NRXN1: variants seen among roughly 807,000 people sequenced by gnomAD.
NRXN1 encodes the protein neurexin 1, also known as neurexin-1.
In NRXN1, 39 loss-of-function variants were observed where a neutral mutation model predicts 150.9. That is an observed-to-expected ratio of 0.26 (90% confidence interval 0.20 to 0.34). The LOEUF is 0.34. Among genes scored for constraint, NRXN1 ranks in the 10% least tolerant of loss-of-function variants. The pLI is 1.00. For synonymous variants in NRXN1, 924 were observed against 757.0 expected (o/e 1.22, Z -3.62); for missense variants, 1,815 against 1,949.9 (o/e 0.93, Z 1.30).
intron 9 of NRXN1, among the ~76,000 whole-genome samples, chr2:50,547,273 A>G (rs186495314): frequency 2.3e-4 from 35 of 151,502 alleles, no homozygotes; most frequent in African/African-American, 8.3e-4. Flanking sequence ...TTTCTCTTTG[A>G]TTTCAATGTG....
chr2:50,701,614 A>C (rs1358114368), intron 5 of NRXN1, among the ~76,000 whole-genome samples: 2 of 152,204 alleles, frequency 1.3e-5, no homozygotes, highest in African/African-American at 4.8e-5. Context: ...CGTCCTGCAT[A>C]TAAATCCCCA....
chr2:50,400,025 A>G (rs1286333637), intron 17 of NRXN1, among the ~76,000 whole-genome samples: 2 of 151,956 alleles, frequency 1.3e-5, no homozygotes, highest in Non-Finnish European at 2.9e-5. Flanking sequence ...GTAGACGAGT[A>G]CAATTAACAC....
intron 16 of NRXN1, 99 bp from the exon 17 acceptor site, chr2:50,465,660 T>C: frequency 1.6e-6 from 2 of 1,288,696 alleles, no homozygotes; most frequent in Non-Finnish European, 2.1e-6. Context: ...ACACCACAGA[T>C]GATATGTCCA....
intron 17 of NRXN1, among the ~76,000 whole-genome samples, chr2:50,287,540 T>C (rs1413838995): frequency 1.3e-5 from 2 of 152,006 alleles, no homozygotes; most frequent in Non-Finnish European, 2.9e-5. Flanking sequence ...CTTATTTCCC[T>C]AAGATGGAAA....
chr2:50,560,814 C>G (rs997588833), intron 8 of NRXN1, among the ~76,000 whole-genome samples: 2 of 151,908 alleles, frequency 1.3e-5, no homozygotes, highest in Non-Finnish European at 2.9e-5. Context: ...CTTTTTTTCC[C>G]CTGATCTAAT....
chr2:50,550,742 C>T lies in NRXN1; in HGVS notation c.1759+1845G>A, dbSNP rs544208653. 2.0e-5 allele frequency among the ~76,000 whole-genome samples: 3 copies of T among 149,532 alleles called. No individual in the cohort carries two copies. In the East Asian group the frequency reaches 5.9e-4, roughly 29 times the overall value. On this transcript the variant is annotated intron_variant, in intron 9 of 22. Coordinates refer to ENST00000401669, the MANE Select transcript of NRXN1 (RefSeq NM_001330078.2). ...TATCTCCCAGGCTGGAGTGCCGCGG[C>T]CCGATCTCGGCTCACTGCAAAATCC...
intron 17 of NRXN1, among the ~76,000 whole-genome samples, chr2:50,425,936 T>C (rs901184996): frequency 3.3e-5 from 5 of 152,198 alleles, no homozygotes; most frequent in African/African-American, 9.6e-5. Context: ...GGAGGCACAC[T>C]GGGCATGCCA....
chr2:50,714,345 A>C (rs528521107), intron 5 of NRXN1, among the ~76,000 whole-genome samples: 22 of 152,278 alleles, frequency 1.4e-4, no homozygotes, highest in African/African-American at 5.3e-4. Flanking sequence ...GTAATATATT[A>C]AGAGAAATCT....
At chr2:50,107,839 G>GAAC (rs1404250786) in intron 18 of NRXN1, among the ~76,000 whole-genome samples, 3 of 151,788 alleles carry the variant, frequency 2.0e-5, no homozygotes, top group Non-Finnish European at 4.4e-5. Context: ...ATATACCTCT[G>GAAC]AACAGTATTT....
chr2:50,978,271 C>T (rs373716145), intron 2 of NRXN1, among the ~76,000 whole-genome samples: 34 of 95,032 alleles, frequency 3.6e-4, no homozygotes, highest in Non-Finnish European at 5.7e-4. Flanking sequence ...GGATATTATA[C>T]ATATATATAT....
chr2:50,805,935 T>C (rs1054467724), intron 5 of NRXN1, among the ~76,000 whole-genome samples: 2 of 152,136 alleles, frequency 1.3e-5, no homozygotes, highest in Non-Finnish European at 2.9e-5. Context: ...CTACAGAACA[T>C]ACCTACCTAT....
intron 2 of NRXN1, among the ~76,000 whole-genome samples, chr2:50,987,887 A>T (rs1424164599): frequency 6.6e-6 from 1 of 151,902 alleles, no homozygotes; most frequent in Non-Finnish European, 1.5e-5. Flanking sequence ...CGAAACACAG[A>T]ATTACTTTTT....
At chr2:50,663,256 T>C (rs902048619) in intron 5 of NRXN1, among the ~76,000 whole-genome samples, 17 of 152,058 alleles carry the variant, frequency 1.1e-4, no homozygotes, top group Non-Finnish European at 2.2e-4. Flanking sequence ...AAAATCACCT[T>C]GTTCCTTCCA....
chr2:51,014,283 C>G (rs1164146567), intron 2 of NRXN1, among the ~76,000 whole-genome samples: 8 of 151,996 alleles, frequency 5.3e-5, no homozygotes, highest in Non-Finnish European at 1.2e-4. Flanking sequence ...GGCTGAATGT[C>G]AGACCAGTTG....
At chr2:51,013,153 GA>G (rs1030137971) in intron 2 of NRXN1, among the ~76,000 whole-genome samples, 6 of 152,062 alleles carry the variant, frequency 3.9e-5, no homozygotes, top group Non-Finnish European at 7.4e-5. Flanking sequence ...AGTGCAAGGT[GA>G]GTCTGCAATA....
intron 5 of NRXN1, among the ~76,000 whole-genome samples, chr2:50,882,662 A>G (rs564307308): frequency 6.6e-6 from 1 of 152,034 alleles, no homozygotes; most frequent in Non-Finnish European, 1.5e-5. Flanking sequence ...TGTCACCATC[A>G]GTAGTGTTCT....
intron 9 of NRXN1, among the ~76,000 whole-genome samples, chr2:50,546,367 G>A (rs550044712): frequency 4.6e-5 from 7 of 152,066 alleles, no homozygotes; most frequent in Non-Finnish European, 7.4e-5. Flanking sequence ...CTTTAGATAT[G>A]TTAATACATT....
At chr2:50,219,715 C>T (rs1008352460) in intron 18 of NRXN1, among the ~76,000 whole-genome samples, 1 of 149,854 alleles carries the variant, frequency 6.7e-6, no homozygotes, top group Non-Finnish European at 1.5e-5. Flanking sequence ...GGTGAGACCC[C>T]ATCTCTACAA....
At chr2:50,011,236 T>G (rs1685612968) in intron 21 of NRXN1, among the ~76,000 whole-genome samples, 1 of 152,180 alleles carries the variant, frequency 6.6e-6, no homozygotes, top group Non-Finnish European at 1.5e-5. Flanking sequence ...TAGAAAGTCC[T>G]CATTAAATGC....
Sources: allele counts gnomAD v4.1 joint callset (sites outside exome capture counted in the v4.1 genomes callset), GRCh38; gene constraint gnomAD v4.1.1; transcripts MANE v1.5; gene names NCBI Gene and HGNC (gene_info 2026-07-23, HGNC 2026-07-21).